CDH13: variants seen among roughly 807,000 people sequenced by gnomAD.
CDH13 encodes cadherin-13.
Under a neutral mutation model 63.8 loss-of-function variants are expected in CDH13, and 24 were observed. The ratio of observed to expected loss-of-function variants is 0.38; its 90% CI spans 0.27 to 0.53. The LOEUF (loss-of-function observed/expected upper bound fraction) is 0.53. Among genes scored for constraint, CDH13 ranks in the 20% least tolerant of loss-of-function variants. The probability of loss-of-function intolerance (pLI) is 0.85; values close to 1 mark genes in which losing one functional copy is unlikely to be tolerated. For synonymous variants in CDH13, 503 were observed against 355.3 expected (o/e 1.42, Z -4.67); for missense variants, 1,049 against 903.1 (o/e 1.16, Z -2.07).
chr16:83,274,763 C>T (rs889064513), intron 5 of CDH13, among the ~76,000 whole-genome samples: 1 of 152,056 alleles, frequency 6.6e-6, no homozygotes, highest in African/African-American at 2.4e-5. Flanking sequence ...TTCTTGGGCC[C>T]CACGCCAGAT....
intron 1 of CDH13, among the ~76,000 whole-genome samples, chr16:82,855,165 C>A (rs1424092280): frequency 6.6e-6 from 1 of 152,154 alleles, no homozygotes; most frequent in African/African-American, 2.4e-5. Context: ...TCCCCTCTTC[C>A]CTAAGAGTCA....
chr16:83,503,497 G>C lies in CDH13; in HGVS notation c.960+16842G>C, dbSNP rs1179989829. ...GGGGAAGAGAAACAGGAGAGGGAAAGGAGGAAAGGAGACATAGCTAGGGAG... is the reference window on the plus strand; with the variant it reads ...GGGGAAGAGAAACAGGAGAGGGAAACGAGGAAAGGAGACATAGCTAGGGAG... On this transcript the variant is annotated intron_variant, in intron 7 of 13. Coordinates refer to ENST00000567109, the MANE Select transcript of CDH13 (RefSeq NM_001257.5). 2.1e-4 allele frequency among the ~76,000 whole-genome samples: 32 copies of C among 152,204 alleles called. 1 individual carries two copies. Among genetic ancestry groups the C allele is most frequent in the Non-Finnish European group, 1.5e-5 (1 of 68,012 alleles).
intron 2 of CDH13, among the ~76,000 whole-genome samples, chr16:82,958,801 C>T (rs1906510342): frequency 6.6e-6 from 1 of 152,254 alleles, no homozygotes; most frequent in Non-Finnish European, 1.5e-5. Context: ...TTGGGGTCAA[C>T]AATGCGATGC....
At chr16:82,629,253 A>G (rs563601475) in intron 1 of CDH13, among the ~76,000 whole-genome samples, 1 of 152,302 alleles carries the variant, frequency 6.6e-6, no homozygotes, top group Middle Eastern at 3.4e-3. Flanking sequence ...GGCTCACTCT[A>G]TTTATTTAGA....
intron 4 of CDH13, among the ~76,000 whole-genome samples, chr16:83,131,882 C>G (rs1365866388): frequency 6.6e-6 from 1 of 152,206 alleles, no homozygotes; most frequent in African/African-American, 2.4e-5. Context: ...AGGGAATCAA[C>G]ATTGATCATT....
intron 5 of CDH13, among the ~76,000 whole-genome samples, chr16:83,239,543 C>G (rs201995620): frequency 7.3e-6 from 1 of 137,412 alleles, no homozygotes; most frequent in Non-Finnish European, 1.6e-5. Context: ...TTAACTGAAA[C>G]CTTTCTCTAA....
chr16:83,539,998 C>T (rs1452853757), intron 7 of CDH13, among the ~76,000 whole-genome samples: 1 of 151,854 alleles, frequency 6.6e-6, no homozygotes, highest in East Asian at 1.9e-4. Flanking sequence ...TTCTGAATCT[C>T]TGCTAATTTA....
chr16:83,686,221 G>T (rs959464184), intron 10 of CDH13, among the ~76,000 whole-genome samples: 1 of 152,198 alleles, frequency 6.6e-6, no homozygotes, highest in Non-Finnish European at 1.5e-5. Flanking sequence ...ATGTCTTAGT[G>T]TAACTTCACC....
At chr16:82,821,721 C>T (rs1411073390) in intron 1 of CDH13, among the ~76,000 whole-genome samples, 3 of 152,194 alleles carry the variant, frequency 2.0e-5, no homozygotes, top group Admixed American at 1.3e-4. Context: ...GACTATGACC[C>T]TGTTTGGGGA....
At chr16:83,465,562 G>A (rs900666043) in intron 6 of CDH13, among the ~76,000 whole-genome samples, 26 of 152,166 alleles carry the variant, frequency 1.7e-4, no homozygotes, top group African/African-American at 5.6e-4. Flanking sequence ...AATGGAAGCC[G>A]CCTTTTTAAT....
At chr16:83,385,339 A>T (rs1006883185) in intron 6 of CDH13, among the ~76,000 whole-genome samples, 5 of 152,150 alleles carry the variant, frequency 3.3e-5, no homozygotes, top group Non-Finnish European at 5.9e-5. Flanking sequence ...ATGCAGAATA[A>T]CCCCAGTGAT....
At chr16:83,635,886 A>T (rs1048276644) in intron 8 of CDH13, among the ~76,000 whole-genome samples, 1 of 152,064 alleles carries the variant, frequency 6.6e-6, no homozygotes, top group Non-Finnish European at 1.5e-5. Context: ...GCCTAGCCCT[A>T]GGTGTTAAAG....
At chr16:83,326,639 A>G (rs8063615) in intron 5 of CDH13, among the ~76,000 whole-genome samples, 87,590 of 151,192 alleles carry the variant, frequency 0.58, 25,431 homozygotes, top group Middle Eastern at 0.66. Flanking sequence ...TGCACAATCT[A>G]GGTGGTGGGT....
chr16:83,762,225 A>G (rs1355934847), intron 11 of CDH13, among the ~76,000 whole-genome samples: 2 of 152,108 alleles, frequency 1.3e-5, no homozygotes, highest in African/African-American at 4.8e-5. Context: ...ATAAGTTGTG[A>G]CCTTTAATGC....
intron 4 of CDH13, among the ~76,000 whole-genome samples, chr16:83,180,237 A>C (rs961315333): frequency 5.3e-5 from 8 of 152,280 alleles, no homozygotes; most frequent in African/African-American, 1.7e-4. Context: ...TTTTAAGAGA[A>C]CTGAAATGGT....
intron 7 of CDH13, among the ~76,000 whole-genome samples, chr16:83,558,589 T>G (rs2075645588): frequency 6.6e-6 from 1 of 152,212 alleles, no homozygotes; most frequent in South Asian, 2.1e-4. Context: ...TAGTCAGAGA[T>G]GCATCTGCAT....
intron 6 of CDH13, among the ~76,000 whole-genome samples, chr16:83,442,707 A>T (rs1007325295): frequency 6.6e-6 from 1 of 152,236 alleles, no homozygotes; most frequent in Admixed American, 6.5e-5. Context: ...TGTTCTTTAG[A>T]ATCTCTAACT....
intron 4 of CDH13, among the ~76,000 whole-genome samples, chr16:83,193,203 A>C (rs995455936): frequency 1.3e-5 from 2 of 151,780 alleles, no homozygotes; most frequent in Non-Finnish European, 2.9e-5. Flanking sequence ...TGTGGCTTCT[A>C]GATACTGAGC....
At chr16:83,482,124 G>A (rs535218441) in intron 6 of CDH13, among the ~76,000 whole-genome samples, 23 of 152,292 alleles carry the variant, frequency 1.5e-4, no homozygotes, top group African/African-American at 5.3e-4. Context: ...CAGGCACGTT[G>A]CTCAGTTGTT....
Sources: gnomAD v4.1 joint callset for allele counts (sites outside exome capture counted in the v4.1 genomes callset) on GRCh38, gnomAD v4.1.1 for gene constraint, MANE v1.5 for transcripts, NCBI Gene and HGNC (gene_info 2026-07-23, HGNC 2026-07-21) for gene names.